The following TOM1L2 variants were observed in gnomAD, a reference collection of about 807,000 sequenced individuals.
TOM1L2 encodes the protein TOM1-like protein 2.
A neutral mutation model predicts 67.9 loss-of-function variants in TOM1L2; 31 were observed. The ratio of observed to expected loss-of-function variants is 0.46; its 90% CI spans 0.34 to 0.62. The LOEUF (loss-of-function observed/expected upper bound fraction) is 0.62. TOM1L2 is among the 20% of genes least tolerant of loss of function. TOM1L2 has a pLI of 0.01. For synonymous variants in TOM1L2, 256 were observed against 254.0 expected, an observed-to-expected ratio of 1.01 and a Z score of -0.07; for missense variants, 606 against 663.5, an observed-to-expected ratio of 0.91 and a Z score of 0.95.
At chr17:17,903,930 G>A (rs1226202048) in intron 2 of TOM1L2, among the ~76,000 whole-genome samples, 1 of 152,080 alleles carries the variant, frequency 6.6e-6, no homozygotes, top group African/African-American at 2.4e-5. Flanking sequence ...GGGCACAAAG[G>A]GGTGGGTGGG....
intron 7 of TOM1L2, among the ~76,000 whole-genome samples, chr17:17,879,386 C>A (rs532613343): frequency 6.7e-6 from 1 of 149,338 alleles, no homozygotes; most frequent in East Asian, 1.9e-4. Flanking sequence ...ATGTATTCTA[C>A]AACTGGCATT....
intron 1 of TOM1L2, among the ~76,000 whole-genome samples, chr17:17,962,905 G>A (rs555697811): frequency 6.6e-6 from 1 of 151,602 alleles, no homozygotes; most frequent in African/African-American, 2.4e-5. Context: ...AGGTTGCAAT[G>A]AGCCGAGGTC....
intron 1 of TOM1L2, among the ~76,000 whole-genome samples, chr17:17,932,551 AT>A (rs2040375703): frequency 6.6e-6 from 1 of 152,164 alleles, no homozygotes; most frequent in Admixed American, 6.5e-5. Context: ...TGAATCTTCT[AT>A]TTTAGAAGTT....
intron 7 of TOM1L2, among the ~76,000 whole-genome samples, chr17:17,872,927 C>T (rs1243447617): frequency 6.6e-6 from 1 of 152,316 alleles, no homozygotes; most frequent in Middle Eastern, 3.4e-3. Context: ...ACAGGACGTG[C>T]AAGTCAGGGG....
chr17:17,908,252 T>C (rs779971888), intron 1 of TOM1L2, among the ~76,000 whole-genome samples: 1 of 152,172 alleles, frequency 6.6e-6, no homozygotes, highest in African/African-American at 2.4e-5. Flanking sequence ...GATTGCCACA[T>C]GCAAAAGAAT....
intron 12 of TOM1L2, among the ~76,000 whole-genome samples, chr17:17,856,485 G>C (rs2036258469): frequency 6.6e-6 from 1 of 152,208 alleles, no homozygotes; most frequent in Admixed American, 6.5e-5. Flanking sequence ...CACGGCTCTG[G>C]GTGATCCTGC....
At chr17:17,849,078 T>C (rs3737122) in intron 13 of TOM1L2, 11,373 of 569,522 alleles carry the variant, frequency 0.02, 443 homozygotes, top group African/African-American at 0.1. Flanking sequence ...AAGCAAAAAA[T>C]TCAAACATGT....
At position 17,844,965 on chromosome 17, in the gene TOM1L2, G is replaced by T. The variant is rs554760815; in HGVS notation, c.*2670C>A. The stretch of plus-strand genomic sequence containing the variant: ...ACTCACGGAGAGGCTGGTGGGCCTT[G>T]AGAGTCCAGGTTTCCTGACAGAGCC... On this transcript the variant is annotated 3_prime_UTR_variant, in exon 15 of 15. Coordinates refer to ENST00000379504, the MANE Select transcript of TOM1L2 (RefSeq NM_001082968.2). 1.3e-5 allele frequency: 2 copies of T among 152,458 alleles called. No homozygotes were observed. The highest frequency in any genetic ancestry group is 4.8e-5 in the African/African-American group (2 of 41,444). 9.4% of individuals were successfully genotyped at this position (152,458 alleles called of 1,614,324 possible). A position where few individuals can be genotyped will look rare whatever the true frequency, so the allele number is the denominator to read the frequency against.
intron 1 of TOM1L2, among the ~76,000 whole-genome samples, chr17:17,920,651 T>G (rs371659569): frequency 2.0e-5 from 3 of 151,106 alleles, no homozygotes; most frequent in African/African-American, 7.3e-5. Flanking sequence ...TTTCTTTTTC[T>G]TGAGACGGAG....
At chr17:17,888,572 T>C (rs985623558) in intron 4 of TOM1L2, among the ~76,000 whole-genome samples, 2 of 152,220 alleles carry the variant, frequency 1.3e-5, no homozygotes, top group Non-Finnish European at 2.9e-5. Flanking sequence ...ACACAGAATC[T>C]GGCCAGAGCC....
chr17:17,907,344 G>A, intron 2 of TOM1L2, 103 bp downstream of exon 2: 1 of 1,014,636 alleles, frequency 9.9e-7, no homozygotes. Context: ...AAACATACTA[G>A]GAACAAAACA....
intron 1 of TOM1L2, among the ~76,000 whole-genome samples, chr17:17,956,839 G>A (rs954650652): frequency 1.3e-5 from 2 of 152,114 alleles, no homozygotes; most frequent in Non-Finnish European, 1.5e-5. Context: ...CCCGGTTCCC[G>A]CCCGCGCCTC....
chr17:17,887,568 C>G (rs11650890), intron 4 of TOM1L2, among the ~76,000 whole-genome samples: 2 of 152,028 alleles, frequency 1.3e-5, no homozygotes, highest in African/African-American at 2.4e-5. Flanking sequence ...CCTCTGCCTC[C>G]GGGCTCAAGC....
chr17:17,870,988 G>T (rs1012515265), intron 7 of TOM1L2, among the ~76,000 whole-genome samples: 3 of 152,220 alleles, frequency 2.0e-5, no homozygotes, highest in African/African-American at 7.2e-5. Flanking sequence ...AGCTCCTTGA[G>T]GGCAGAGAAG....
In TOM1L2 at chr17:17,847,507, G is replaced by A. The variant is rs137864824; in HGVS notation, c.*128C>T. 5 of 1,275,774 alleles carry A rather than the reference G, an allele frequency of 3.9e-6. No individual in the cohort carries two copies. In the African/African-American group the frequency reaches 5.9e-5, roughly 15 times the overall value. The allele number at this position is 1,275,774 out of a possible 1,614,324, so 79.0% of individuals were successfully genotyped here. On this transcript the variant is annotated 3_prime_UTR_variant, in exon 15 of 15. Transcript: ENST00000379504. ...TAGTGGGAGGCCTGGGAGCAGACAC[G>A]GTGGCATTTCCATGGAAACACAGGT... is the stretch of plus-strand genomic sequence containing the variant.
At chr17:17,888,830 T>TC (rs1156906082) in intron 4 of TOM1L2, among the ~76,000 whole-genome samples, 1 of 152,188 alleles carries the variant, frequency 6.6e-6, no homozygotes, top group Non-Finnish European at 1.5e-5. Flanking sequence ...AGTGGGAGCA[T>TC]CCTTTTTGTC....
intron 2 of TOM1L2, among the ~76,000 whole-genome samples, chr17:17,900,778 T>C (rs186484570): frequency 4.6e-5 from 7 of 152,300 alleles, no homozygotes; most frequent in Non-Finnish European, 2.9e-5. Context: ...TCTGCAAATA[T>C]GGGACTTAAC....
intron 1 of TOM1L2, among the ~76,000 whole-genome samples, chr17:17,951,881 A>C (rs1470993703): frequency 6.6e-6 from 1 of 152,214 alleles, no homozygotes; most frequent in Non-Finnish European, 1.5e-5. Flanking sequence ...AAAGATGCCC[A>C]GTACTGATGA....
chr17:17,886,480 C>T (rs2038007052), intron 4 of TOM1L2, among the ~76,000 whole-genome samples: 1 of 152,250 alleles, frequency 6.6e-6, no homozygotes, highest in South Asian at 2.1e-4. Flanking sequence ...ACCAGCTGCG[C>T]TGGCTGCCTC....
Sources: allele counts gnomAD v4.1 joint callset (sites outside exome capture counted in the v4.1 genomes callset), GRCh38; gene constraint gnomAD v4.1.1; transcripts MANE v1.5; gene names NCBI Gene and HGNC (gene_info 2026-07-23, HGNC 2026-07-21).